The following CLCA4 variants were observed in gnomAD, a reference collection of about 807,000 sequenced individuals.
CLCA4 encodes the protein calcium-activated chloride channel regulator 4.
In CLCA4, 69 loss-of-function variants were observed where a neutral mutation model predicts 78.9. The ratio of observed to expected loss-of-function variants is 0.87; its 90% CI spans 0.72 to 1.07. CLCA4 has a LOEUF of 1.07. CLCA4 is among the 50% of genes least tolerant of loss of function. CLCA4 has a pLI of 0.00. For synonymous variants in CLCA4, 362 were observed against 375.8 expected, an observed-to-expected ratio of 0.96 and a Z score of 0.42; for missense variants, 1,133 against 1,095.8, an observed-to-expected ratio of 1.03 and a Z score of -0.48.
chr1:86,552,377 G>T (rs1649690707), intron 1 of CLCA4, among the ~76,000 whole-genome samples: 2 of 152,326 alleles, frequency 1.3e-5, no homozygotes, highest in East Asian at 1.9e-4. Context: ...CGTCAGGACC[G>T]GTCCAGAGAG....
In CLCA4 at chr1:86,580,116, C is replaced by T. The variant is rs201405115; in HGVS notation, c.2531C>T (p.Ala844Val). The T allele has an allele frequency of 4.3e-6, 7 of 1,612,486 alleles. No individual in the cohort carries two copies. The Admixed American group carries it at 8.4e-5, about 19-fold the overall frequency. The change falls in exon 14 of 14, where the codon GCC becomes GTC. Residue 844 changes from alanine (A) to valine (V), a missense_variant. Physicochemically the swap from Ala to Val is moderately conservative, Grantham distance 64. Transcript: ENST00000370563. ...GAAAATGCAACCCACATATTTATTGCCATTAAAAGTATAGATAAAAGCAAT... is the reference window on the plus strand; with the variant it reads ...GAAAATGCAACCCACATATTTATTGTCATTAAAAGTATAGATAAAAGCAAT... ...SEENATHIFI[A>V]IKSIDKSNLT...
intron 1 of CLCA4, 29 bp downstream of exon 1, chr1:86,547,307 A>G: frequency 6.6e-7 from 1 of 1,512,766 alleles, no homozygotes; most frequent in East Asian, 2.4e-5. Flanking sequence ...ATCTTTCATT[A>G]ATTTTTAGTT....
chr1:86,550,072 T>C lies in CLCA4; in HGVS notation c.159+2794T>C, dbSNP rs1437798671. Among the ~76,000 whole-genome samples the C allele has an allele frequency of 3.9e-5, 6 of 152,250 alleles. No individual in the cohort carries two copies. The East Asian group carries it at 1.2e-3, about 29-fold the overall frequency. On this transcript the variant is annotated intron_variant, in intron 1 of 13. Coordinates refer to ENST00000370563, the MANE Select transcript of CLCA4 (RefSeq NM_012128.4). The stretch of plus-strand genomic sequence containing the variant: ...ACATATACTAATTCTTTATATTTAA[T>C]TTCTCCACTACTGTGTTCTGCTGCT...
intron 9 of CLCA4, 185 bp downstream of exon 9, chr1:86,572,905 T>C (rs2101814399): frequency 1.7e-6 from 1 of 605,764 alleles, no homozygotes; most frequent in East Asian, 3.0e-5. Flanking sequence ...AAGAGTAAAA[T>C]AAATGGTGAA....
Position 86,578,079 on chromosome 1 carries a change from A to T in CLCA4, c.2122+7A>T. On this transcript the variant is annotated splice_region_variant and intron_variant, in intron 12 of 13. Coordinates refer to ENST00000370563, the MANE Select transcript of CLCA4 (RefSeq NM_012128.4). ...CCAGGCTGGGTAGTGAACGGTGAGT[A>T]ACTCATGATATTTATAATCCAGTGA... The T allele has an allele frequency of 1.2e-6, 2 of 1,603,780 alleles. No individual in the cohort carries two copies. Among genetic ancestry groups the T allele is most frequent in the Non-Finnish European group, 1.7e-6 (2 of 1,174,900 alleles).
At chr1:86,564,026 T>G (rs1650102491) in intron 4 of CLCA4, among the ~76,000 whole-genome samples, 1 of 152,072 alleles carries the variant, frequency 6.6e-6, no homozygotes, top group African/African-American at 2.4e-5. Flanking sequence ...TTGCTTGGAG[T>G]TGGGCATGTA....
At chr1:86,566,879 G>C (rs1650205363) in intron 6 of CLCA4, among the ~76,000 whole-genome samples, 1 of 152,056 alleles carries the variant, frequency 6.6e-6, no homozygotes. Context: ...AGTGGAAAGG[G>C]GGCAGTGAGA....
At chr1:86,554,719 G>A (rs900366613) in intron 1 of CLCA4, among the ~76,000 whole-genome samples, 1 of 152,162 alleles carries the variant, frequency 6.6e-6, no homozygotes, top group African/African-American at 2.4e-5. Flanking sequence ...ATCCAGTAAT[G>A]GGATTGCTGG....
intron 12 of CLCA4, among the ~76,000 whole-genome samples, chr1:86,578,814 A>G (rs546111545): frequency 1.3e-5 from 2 of 152,112 alleles, no homozygotes; most frequent in African/African-American, 2.4e-5. Flanking sequence ...CTTATTTAGA[A>G]TTTTAATAAG....
In CLCA4 at chr1:86,571,100, A is replaced by G. The variant is rs144537940; in HGVS notation, c.1206A>G (p.Gln402=). The change falls in exon 8 of 14, where the codon CAA becomes CAG. Residue 402 remains glutamine, a synonymous_variant. Transcript: ENST00000370563. ...AFQVIGELHS[Q]LDGSEVLLLT... ...AGGTGATTGGAGAGCTACATTCCCA[A>G]CTCGATGGATCCGAAGTACTGCTGC... 1.6e-4 allele frequency: 259 copies of G among 1,611,782 alleles called. No individual in the cohort carries two copies. The African/African-American group carries it at 3.0e-3, about 18-fold the overall frequency.
chr1:86,578,149 A>G, intron 12 of CLCA4, 77 bp downstream of exon 12: 1 of 1,318,344 alleles, frequency 7.6e-7, no homozygotes, highest in Non-Finnish European at 1.0e-6. Context: ...GGCTTCAAAC[A>G]GGTTGATTAA....
intron 1 of CLCA4, among the ~76,000 whole-genome samples, chr1:86,556,418 C>T (rs961355089): frequency 6.6e-6 from 1 of 152,002 alleles, no homozygotes; most frequent in South Asian, 2.1e-4. Flanking sequence ...ATATTGAAAA[C>T]CTTTTCTCCA....
chr1:86,565,383 T>G lies in CLCA4; in HGVS notation c.667T>G (p.Cys223Gly). The change falls in exon 5 of 14, where the codon TGT (cysteine) becomes GGT (glycine). Residue 223 changes from cysteine to glycine, a missense_variant. Physicochemically the swap from Cys to Gly is radical, Grantham distance 159. Transcript: ENST00000370563. ...DSTTKLYGKD[C>G]QFFPDKVQTE... The stretch of plus-strand genomic sequence containing the variant: ...TACAACAAAACTGTATGGAAAAGAT[T>G]GTCAATTCTTTCCTGATAAAGTACA... The G allele has an allele frequency of 6.2e-7, 1 of 1,609,364 alleles. No homozygotes were observed. Among genetic ancestry groups the G allele is most frequent in the East Asian group, 2.2e-5 (1 of 44,744 alleles).
rs183581807 is a variant in CLCA4, at chr1:86,553,100, G to T, written c.159+5822G>T. 10 of 735,940 alleles carry T rather than the reference G, an allele frequency of 1.4e-5. No individual in the cohort carries two copies. The African/African-American group carries it at 1.7e-4, about 13-fold the overall frequency. The allele number at this position is 735,940 out of a possible 1,614,324, so 45.6% of individuals were successfully genotyped here. On this transcript the variant is annotated intron_variant, in intron 1 of 13. Transcript: ENST00000370563. The stretch of plus-strand genomic sequence containing the variant: ...AGCGGCGCCCACCCTGCAGCCTGGG[G>T]TGTGCGCCGTATCCCATCCTGCGTC...
At chr1:86,570,129 A>T (rs919111651) in intron 7 of CLCA4, among the ~76,000 whole-genome samples, 1 of 151,986 alleles carries the variant, frequency 6.6e-6, no homozygotes, top group African/African-American at 2.4e-5. Flanking sequence ...AATTGTAATA[A>T]GCGTGGTCAA....
chr1:86,567,828 A>G (rs1350584519), intron 7 of CLCA4, among the ~76,000 whole-genome samples, 177 bp downstream of exon 7: 45 of 152,066 alleles, frequency 3.0e-4, no homozygotes, highest in Non-Finnish European at 8.8e-5. Context: ...CAGTGAATCA[A>G]TGAACAACCC....
At position 86,565,847 on chromosome 1, in the gene CLCA4, A is replaced by G. The variant is rs1397975615; in HGVS notation, c.781A>G (p.Ser261Gly). ...NEKTHNQEAP[S>G]LQNIKCNFRS... Reference sequence around the variant, plus strand: ...AAAAACCCATAATCAAGAAGCTCCAAGCCTACAAAACATAAAGTGCAATTT... The same window carrying G: ...AAAAACCCATAATCAAGAAGCTCCAGGCCTACAAAACATAAAGTGCAATTT... Residue 261 changes from serine (S) to glycine (G), a missense_variant, in exon 6 of 14, where the codon AGC becomes GGC. Ser to Gly is a moderately conservative substitution (Grantham distance 56). Coordinates refer to ENST00000370563, the MANE Select transcript of CLCA4 (RefSeq NM_012128.4). 1.3e-6 allele frequency: 2 copies of G among 1,595,516 alleles called. No homozygotes were observed. The highest frequency in any genetic ancestry group is 1.7e-6 in the Non-Finnish European group (2 of 1,169,920).
chr1:86,552,388 G>A (rs1203260543), intron 1 of CLCA4, among the ~76,000 whole-genome samples: 1 of 152,226 alleles, frequency 6.6e-6, no homozygotes, highest in Non-Finnish European at 1.5e-5. Flanking sequence ...GTCCAGAGAG[G>A]AGAAGTCTTC....
chr1:86,562,746 C>T (rs1253860848), intron 3 of CLCA4, among the ~76,000 whole-genome samples: 5 of 151,080 alleles, frequency 3.3e-5, no homozygotes, highest in African/African-American at 7.3e-5. Context: ...CTCAGCTACT[C>T]GGGAGGCTGA....
Sources: gnomAD v4.1 joint callset for allele counts (sites outside exome capture counted in the v4.1 genomes callset) on GRCh38, gnomAD v4.1.1 for gene constraint, MANE v1.5 for transcripts, NCBI Gene and HGNC (gene_info 2026-07-23, HGNC 2026-07-21) for gene names.